CSMD1: variants seen among roughly 807,000 people sequenced by gnomAD.
The protein encoded by CSMD1 is CUB and Sushi multiple domains 1.
In CSMD1, 213 loss-of-function variants were observed where a neutral mutation model predicts 417.5. The observed-to-expected ratio is 0.51, with a 90% CI of 0.46 to 0.57. The LOEUF is 0.57. Among genes scored for constraint, CSMD1 ranks in the 20% least tolerant of loss-of-function variants. CSMD1 has a pLI of 0.00. For missense variants in CSMD1, 6,923 were observed against 4,529.7 expected (o/e 1.53, Z -15.17); for synonymous variants, 2,862 against 1,736.8 (o/e 1.65, Z -16.11).
intron 2 of CSMD1, among the ~76,000 whole-genome samples, chr8:4,536,030 T>A (rs1797084892): frequency 6.6e-6 from 1 of 152,294 alleles, no homozygotes; most frequent in South Asian, 2.1e-4. Flanking sequence ...ATTAACATTA[T>A]TTTTGAAAAC....
chr8:3,518,715 G>A (rs1797382194), intron 10 of CSMD1, among the ~76,000 whole-genome samples: 1 of 152,048 alleles, frequency 6.6e-6, no homozygotes, highest in African/African-American at 2.4e-5. Context: ...TAGTTGGTGT[G>A]GTTTTCAAAG....
At chr8:4,177,957 G>A (rs961582309) in intron 3 of CSMD1, among the ~76,000 whole-genome samples, 1 of 152,104 alleles carries the variant, frequency 6.6e-6, no homozygotes, top group Non-Finnish European at 1.5e-5. Flanking sequence ...CAACCAAAAA[G>A]AGTCCAGGAT....
chr8:3,369,396 A>G (rs191847082), intron 18 of CSMD1, 26 bp from the exon 19 acceptor site: 2 of 1,158,326 alleles, frequency 1.7e-6, no homozygotes, highest in African/African-American at 1.5e-5. Context: ...AGAGATGATT[A>G]CAGCACTAAA....
At chr8:4,033,221 G>A (rs1012406013) in intron 3 of CSMD1, among the ~76,000 whole-genome samples, 52 of 150,586 alleles carry the variant, frequency 3.5e-4, no homozygotes, top group South Asian at 2.5e-3. Flanking sequence ...CAGGAGGATC[G>A]TGAGGTCAAG....
intron 2 of CSMD1, among the ~76,000 whole-genome samples, chr8:4,569,017 A>G (rs2693790): frequency 0.66 from 99,667 of 151,950 alleles, 32,864 homozygotes; most frequent in Non-Finnish European, 0.69. Context: ...TATTAGATTA[A>G]CTCTTTGTCA....
At chr8:4,613,303 C>T (rs1801288419) in intron 2 of CSMD1, among the ~76,000 whole-genome samples, 1 of 152,176 alleles carries the variant, frequency 6.6e-6, no homozygotes, top group Non-Finnish European at 1.5e-5. Context: ...GTGCCCATTG[C>T]ACTAGAGTAG....
chr8:4,166,252 T>G (rs1362707151), intron 3 of CSMD1, among the ~76,000 whole-genome samples: 2 of 152,204 alleles, frequency 1.3e-5, no homozygotes. Flanking sequence ...CATATCAATA[T>G]GCATTTGATA....
intron 5 of CSMD1, among the ~76,000 whole-genome samples, chr8:3,820,947 G>A (rs890488889): frequency 3.3e-5 from 5 of 151,786 alleles, no homozygotes; most frequent in African/African-American, 1.2e-4. Context: ...CCGGAGTTTT[G>A]CTTTTGCTGC....
At chr8:4,172,308 T>C (rs1277342454) in intron 3 of CSMD1, among the ~76,000 whole-genome samples, 1 of 152,162 alleles carries the variant, frequency 6.6e-6, no homozygotes, top group African/African-American at 2.4e-5. Flanking sequence ...ACTGAGCAGG[T>C]GTGGCTACCG....
At chr8:4,928,487 A>G (rs1367468684) in intron 1 of CSMD1, among the ~76,000 whole-genome samples, 1 of 152,190 alleles carries the variant, frequency 6.6e-6, no homozygotes, top group Non-Finnish European at 1.5e-5. Context: ...TGAAATAATT[A>G]TGTGAGCCTG....
At chr8:3,965,810 G>T (rs928169253) in intron 5 of CSMD1, among the ~76,000 whole-genome samples, 1 of 151,864 alleles carries the variant, frequency 6.6e-6, no homozygotes, top group African/African-American at 2.4e-5. Context: ...GTAGAGATGG[G>T]GTTTCACCAT....
chr8:3,232,643 C>G (rs73498234), intron 26 of CSMD1, among the ~76,000 whole-genome samples: 11,596 of 152,124 alleles, frequency 0.076, 511 homozygotes, highest in African/African-American at 0.11. Context: ...GTTAGATTGT[C>G]CTTTAAATTC....
chr8:2,938,545 G>C lies in CSMD1; in HGVS notation c.*40C>G. On this transcript the variant is annotated 3_prime_UTR_variant, in exon 70 of 70. Coordinates refer to ENST00000635120, the MANE Select transcript of CSMD1 (RefSeq NM_033225.6). ...CAAAGGAATCACTGCTTGTCCATCA[G>C]AGGTATGGCTATGAATCAGTCCTGT... is the stretch of plus-strand genomic sequence containing the variant. 6.3e-7 allele frequency: 1 copy of C among 1,578,404 alleles called. No individual in the cohort carries two copies. The highest frequency in any genetic ancestry group is 8.6e-7 in the Non-Finnish European group (1 of 1,158,218).
At chr8:4,251,244 A>G (rs1262591334) in intron 3 of CSMD1, among the ~76,000 whole-genome samples, 5 of 152,186 alleles carry the variant, frequency 3.3e-5, no homozygotes, top group Non-Finnish European at 7.4e-5. Flanking sequence ...TGTTTCCCTC[A>G]CCAATCACAT....
At chr8:3,891,327 G>A (rs1209211864) in intron 5 of CSMD1, among the ~76,000 whole-genome samples, 1 of 152,158 alleles carries the variant, frequency 6.6e-6, no homozygotes, top group Non-Finnish European at 1.5e-5. Flanking sequence ...TGGGATTACA[G>A]GCGTGAGCCA....
At chr8:4,536,012 C>T (rs1193174662) in intron 2 of CSMD1, among the ~76,000 whole-genome samples, 2 of 152,028 alleles carry the variant, frequency 1.3e-5, no homozygotes, top group Non-Finnish European at 2.9e-5. Context: ...AATATCAATG[C>T]CACCATTATT....
In CSMD1 at chr8:3,230,215, G is replaced by A; in HGVS notation, c.4170C>T (p.Thr1390=). The change falls in exon 27 of 70, where the codon ACC becomes ACT. Residue 1390 remains threonine, a synonymous_variant. Coordinates refer to ENST00000635120, the MANE Select transcript of CSMD1 (RefSeq NM_033225.6). ...TTTGGGGCATACCTGGATCGTTACA[G>A]GTGGCTGCAATTGAGGCTGCAAACA... ...SIQFSTSIAA[T]CNDPGMPQNG... 1 of 1,592,700 alleles carries A rather than the reference G, an allele frequency of 6.3e-7. No individual in the cohort carries two copies. Among genetic ancestry groups the A allele is most frequent in the Non-Finnish European group, 8.6e-7 (1 of 1,169,220 alleles).
At chr8:4,458,202 T>C (rs952945982) in intron 2 of CSMD1, among the ~76,000 whole-genome samples, 2 of 152,174 alleles carry the variant, frequency 1.3e-5, no homozygotes, top group African/African-American at 4.8e-5. Flanking sequence ...ACTAATCACC[T>C]TGTAAAGAAA....
chr8:4,766,979 G>C (rs886310086), intron 1 of CSMD1, among the ~76,000 whole-genome samples: 1 of 152,128 alleles, frequency 6.6e-6, no homozygotes, highest in African/African-American at 2.4e-5. Context: ...GTCTAAAAAA[G>C]AAAATATTTC....
Sources: allele counts gnomAD v4.1 joint callset (sites outside exome capture counted in the v4.1 genomes callset), GRCh38; gene constraint gnomAD v4.1.1; transcripts MANE v1.5; gene names NCBI Gene and HGNC (gene_info 2026-07-23, HGNC 2026-07-21).